The following CDH26 variants were observed in gnomAD, a reference collection of about 807,000 sequenced individuals.
The protein encoded by CDH26 is cadherin 26, also known as cadherin-like protein 26.
Under a neutral mutation model 90.3 loss-of-function variants are expected in CDH26, and 83 were observed. The observed-to-expected ratio is 0.92, with a 90% CI of 0.77 to 1.10. The LOEUF is 1.10. CDH26 is among the 50% of genes least tolerant of loss of function. The pLI, the probability that CDH26 is intolerant of heterozygous loss-of-function variation, is 0.00. For synonymous variants in CDH26, 397 were observed against 396.3 expected (o/e 1.00, Z -0.02); for missense variants, 1,013 against 1,037.6 (o/e 0.98, Z 0.33).
rs1442991763 is a variant in CDH26 at position 59,992,412 on chromosome 20, A to G, written c.1318A>G (p.Ser440Gly). 3.7e-6 allele frequency: 6 copies of G among 1,614,040 alleles called. No homozygotes were observed. The highest frequency in any genetic ancestry group is 2.7e-5 in the African/African-American group (2 of 74,924). ...GGTTCATGACCCAGCAAATTGGGTC[A>G]GCGTCGACAAAAACTCCGGAGTGGT... ...ELVHDPANWV[S>G]VDKNSGVVIT... is the part of the protein sequence containing the mutation. The change falls in exon 10 of 18, where the codon AGC becomes GGC. Residue 440 changes from serine to glycine, a missense_variant. Physicochemically the swap from Ser to Gly is moderately conservative, Grantham distance 56 (BLOSUM62 0). Transcript: ENST00000348616. The surrounding 1 kb of genome is among the most constrained non-coding windows in gnomAD (Gnocchi z 5.0).
At chr20:60,003,473 G>A (rs1287847436) in intron 16 of CDH26, among the ~76,000 whole-genome samples, 1 of 152,128 alleles carries the variant, frequency 6.6e-6, no homozygotes, top group Admixed American at 6.5e-5. Flanking sequence ...GGTTTTTAAA[G>A]TATCAAGAAA....
Position 59,958,460 on chromosome 20 carries a change from T to G in CDH26, c.-267T>G. On this transcript the variant is annotated 5_prime_UTR_variant, in exon 1 of 18. Coordinates refer to ENST00000348616, the MANE Select transcript of CDH26 (RefSeq NM_177980.4). ...GTGTACGTGCAGGACCATGGTGGCTTTAGTTTCTACCCCACCCTTCCTAGG... is the reference window on the plus strand; with the variant it reads ...GTGTACGTGCAGGACCATGGTGGCTGTAGTTTCTACCCCACCCTTCCTAGG... The G allele has an allele frequency of 2.3e-6, 1 of 438,474 alleles. No homozygotes were observed. The highest frequency in any genetic ancestry group is 4.1e-6 in the Non-Finnish European group (1 of 242,664). 27.2% of individuals were successfully genotyped at this position (438,474 alleles called of 1,614,324 possible).
At chr20:59,977,845 G>A (rs920144410) in intron 4 of CDH26, among the ~76,000 whole-genome samples, 6 of 152,026 alleles carry the variant, frequency 3.9e-5, no homozygotes, top group African/African-American at 1.5e-4. Context: ...TATGGGTTTC[G>A]ACAAATGTGT....
chr20:59,968,025 G>GTCTCTCTC (rs777837348), intron 1 of CDH26, among the ~76,000 whole-genome samples: 6 of 57,224 alleles, frequency 1.0e-4, no homozygotes, highest in African/African-American at 3.5e-4. Context: ...CTTTCTCTCT[G>GTCTCTCTC]TCTCTCTCTC....
At chr20:59,966,784 A>G (rs2061154560) in intron 1 of CDH26, among the ~76,000 whole-genome samples, 1 of 152,244 alleles carries the variant, frequency 6.6e-6, no homozygotes, top group Admixed American at 6.5e-5. Flanking sequence ...GAAACTTTTC[A>G]TATATACATG....
intron 17 of CDH26, among the ~76,000 whole-genome samples, chr20:60,011,485 T>C (rs1235756212): frequency 6.6e-6 from 1 of 152,210 alleles, no homozygotes; most frequent in Admixed American, 6.5e-5. Flanking sequence ...TGTGTTCTGA[T>C]ACCATCGAAA....
intron 13 of CDH26, among the ~76,000 whole-genome samples, chr20:59,997,802 T>C (rs1037446153): frequency 6.6e-6 from 1 of 152,254 alleles, no homozygotes; most frequent in South Asian, 2.1e-4. Context: ...GGAAAAGATA[T>C]TCCAATGAAC....
At chr20:59,976,618 GA>G (rs1349104432) in intron 4 of CDH26, among the ~76,000 whole-genome samples, 1 of 152,190 alleles carries the variant, frequency 6.6e-6, no homozygotes. Context: ...TGGTGAGTGA[GA>G]AAGCCAATTT....
chr20:59,973,403 A>T (rs1392724730), intron 4 of CDH26, among the ~76,000 whole-genome samples: 11 of 151,940 alleles, frequency 7.2e-5, no homozygotes. Context: ...TATTATTATT[A>T]TTTTTAACTT....
chr20:59,996,072 G>T lies in CDH26; in HGVS notation c.1888+18G>T. ...TCTGGCAGGTCAGTGGTCTGTAGGG[G>T]TGTCCTGGGACTGTGGCTCCTCTCC... On this transcript the variant is annotated intron_variant, in intron 12 of 17. Coordinates refer to ENST00000348616, the MANE Select transcript of CDH26 (RefSeq NM_177980.4). 6.2e-7 allele frequency: 1 copy of T among 1,607,168 alleles called. No homozygotes were observed. The highest frequency in any genetic ancestry group is 8.5e-7 in the Non-Finnish European group (1 of 1,178,236).
intron 16 of CDH26, among the ~76,000 whole-genome samples, chr20:60,003,872 GT>G (rs969690605): frequency 6.6e-6 from 1 of 152,196 alleles, no homozygotes; most frequent in Non-Finnish European, 1.5e-5. Context: ...GCCATACATA[GT>G]GTGGGGTTAG....
chr20:59,997,297 C>G (rs547544839), intron 13 of CDH26, among the ~76,000 whole-genome samples: 1 of 152,362 alleles, frequency 6.6e-6, no homozygotes, highest in East Asian at 1.9e-4. Context: ...TACCATTGTC[C>G]GGCAAAGGCC....
intron 1 of CDH26, among the ~76,000 whole-genome samples, chr20:59,959,796 G>A (rs2061044618): frequency 6.6e-6 from 1 of 152,208 alleles, no homozygotes; most frequent in African/African-American, 2.4e-5. Context: ...CATGGGGATG[G>A]AATGGCTAAA....
intron 1 of CDH26, among the ~76,000 whole-genome samples, chr20:59,967,965 T>TTCTA (rs2061193025): frequency 3.7e-5 from 2 of 53,846 alleles, no homozygotes; most frequent in Non-Finnish European, 7.3e-5. Flanking sequence ...CTATCTTTCT[T>TTCTA]TCTTTCTTTC....
In CDH26 at chr20:59,995,796, T is replaced by G. The variant is rs201152280; in HGVS notation, c.1667-37T>G. On this transcript the variant is annotated intron_variant, in intron 11 of 17. Coordinates refer to ENST00000348616, the MANE Select transcript of CDH26 (RefSeq NM_177980.4). ...TGTGTTGAGCAGATGAGCAGATGAG[T>G]GAGTCAATGCATGCCATGTTCTTTT... 4.1e-5 allele frequency: 65 copies of G among 1,571,916 alleles called. No homozygotes were observed. The African/African-American group carries it at 8.4e-4, about 20-fold the overall frequency.
intron 9 of CDH26, 83 bp downstream of exon 9, chr20:59,989,246 C>T (rs2061496752): frequency 6.4e-6 from 10 of 1,556,086 alleles, no homozygotes; most frequent in Non-Finnish European, 8.7e-6. Context: ...AAAACCAGCT[C>T]GGCCGGGCGC....
intron 7 of CDH26, among the ~76,000 whole-genome samples, chr20:60,020,755 G>A (rs573249196): frequency 2.6e-5 from 4 of 152,206 alleles, no homozygotes; most frequent in African/African-American, 7.2e-5. Flanking sequence ...AATGTGGGGG[G>A]TAAGCACCTT....
intron 4 of CDH26, among the ~76,000 whole-genome samples, chr20:59,980,780 T>C (rs1382715249): frequency 6.6e-6 from 1 of 152,232 alleles, no homozygotes; most frequent in African/African-American, 2.4e-5. Flanking sequence ...TAAAATCCAA[T>C]TCATCAATAT....
chr20:60,035,346 A>G (rs914653619), downstream of CDH26, among the ~76,000 whole-genome samples: 1 of 152,258 alleles, frequency 6.6e-6, no homozygotes. Flanking sequence ...TACGTTTACA[A>G]TGTTAATACC....
Sources: allele counts gnomAD v4.1 joint callset (sites outside exome capture counted in the v4.1 genomes callset), GRCh38; gene constraint gnomAD v4.1.1; non-coding constraint Gnocchi (gnomAD v3.1); transcripts MANE v1.5; gene names NCBI Gene and HGNC (gene_info 2026-07-23, HGNC 2026-07-21).